TMPRSS11F: variants seen among roughly 807,000 people sequenced by gnomAD.
TMPRSS11F encodes transmembrane protease serine 11F.
TMPRSS11F carries 47 observed loss-of-function variants against 60.2 expected under a neutral mutation model. That is an observed-to-expected ratio of 0.78 (90% confidence interval 0.62 to 1.00). The LOEUF is 1.00. Among genes scored for constraint, TMPRSS11F ranks in the 50% least tolerant of loss-of-function variants. TMPRSS11F has a pLI of 0.00. For missense variants in TMPRSS11F, 519 were observed against 522.9 expected, an observed-to-expected ratio of 0.99 and a Z score of 0.07; for synonymous variants, 166 against 167.3, an observed-to-expected ratio of 0.99 and a Z score of 0.06.
At chr4:68,056,575 T>G (rs1412982585) in intron 9 of TMPRSS11F, among the ~76,000 whole-genome samples, 3 of 152,100 alleles carry the variant, frequency 2.0e-5, no homozygotes, top group Admixed American at 6.6e-5. Flanking sequence ...GTTTATGGAT[T>G]GAAAGAATTA....
rs1723905773 is a variant in TMPRSS11F at position 68,090,581 on chromosome 4, T to C, written c.224A>G (p.Asn75Ser). The C allele has an allele frequency of 6.2e-7, 1 of 1,602,134 alleles. No homozygotes were observed. The highest frequency in any genetic ancestry group is 1.3e-5 in the African/African-American group (1 of 74,362). The change falls in exon 3 of 10, where the codon AAT becomes AGT. Residue 75 changes from asparagine to serine, a missense_variant. By Grantham distance (46) the Asn-to-Ser change is conservative (BLOSUM62 1). Coordinates refer to ENST00000356291, the MANE Select transcript of TMPRSS11F (RefSeq NM_207407.2). Reference sequence around the variant, plus strand: ...CTCTCTTGAAGATCTTATGCCATAATTTTCTTTATATTTGATATTTGTGAC... The same window carrying C: ...CTCTCTTGAAGATCTTATGCCATAACTTTCTTTATATTTGATATTTGTGAC... ...FKVTNIKYKE[N>S]YGIRSSREFI... is the part of the protein sequence containing the mutation.
chr4:68,056,492 C>T (rs946925521), intron 9 of TMPRSS11F, among the ~76,000 whole-genome samples: 5 of 148,770 alleles, frequency 3.4e-5, no homozygotes, highest in African/African-American at 1.2e-4. Context: ...GAGGTGAACG[C>T]TTTGTATACT....
intron 8 of TMPRSS11F, chr4:68,062,683 T>G (rs1380121196): frequency 1.3e-6 from 1 of 756,212 alleles, no homozygotes; most frequent in Non-Finnish European, 2.5e-6. Context: ...TCATGCTGCT[T>G]TTGTTATACA....
intron 6 of TMPRSS11F, 58 bp downstream of exon 6, chr4:68,069,911 C>G: frequency 7.0e-7 from 1 of 1,432,740 alleles, no homozygotes; most frequent in Non-Finnish European, 9.4e-7. Flanking sequence ...TTTTCTATAA[C>G]TTTTTTCATG....
intron 8 of TMPRSS11F, chr4:68,061,997 T>C (rs1372510427): frequency 2.2e-6 from 1 of 453,108 alleles, no homozygotes; most frequent in Non-Finnish European, 4.4e-6. Context: ...ACAATGAAAC[T>C]AAGTGCACAA....
intron 9 of TMPRSS11F, among the ~76,000 whole-genome samples, chr4:68,056,490 C>T (rs1027257942): frequency 4.8e-5 from 7 of 144,914 alleles, no homozygotes; most frequent in South Asian, 2.2e-4. Flanking sequence ...AAGAGGTGAA[C>T]GCTTTGTATA....
At chr4:68,085,927 G>C (rs773331223) in intron 3 of TMPRSS11F, among the ~76,000 whole-genome samples, 8 of 152,060 alleles carry the variant, frequency 5.3e-5, no homozygotes, top group Non-Finnish European at 1.0e-4. Flanking sequence ...CACAATTATG[G>C]TGGGAAACAT....
chr4:68,109,794 G>A (rs1164546522), intron 1 of TMPRSS11F, among the ~76,000 whole-genome samples: 1 of 152,020 alleles, frequency 6.6e-6, no homozygotes, highest in African/African-American at 2.4e-5. Flanking sequence ...TTCTGTGTTT[G>A]TTTTTAACAT....
chr4:68,097,855 G>A (rs1481071683), intron 2 of TMPRSS11F, among the ~76,000 whole-genome samples: 1 of 151,990 alleles, frequency 6.6e-6, no homozygotes, highest in Non-Finnish European at 1.5e-5. Flanking sequence ...AGAGTCTAAG[G>A]AATGGCTATT....
chr4:68,080,308 T>G (rs549493919), intron 3 of TMPRSS11F: 1 of 152,380 alleles, frequency 6.6e-6, no homozygotes, highest in East Asian at 1.9e-4. Flanking sequence ...AAACTTTTCC[T>G]TCTTTCTTAT....
intron 2 of TMPRSS11F, among the ~76,000 whole-genome samples, chr4:68,091,553 C>T (rs1031838216): frequency 2.6e-5 from 4 of 152,052 alleles, no homozygotes; most frequent in African/African-American, 4.8e-5. Flanking sequence ...ATAGGCACCT[C>T]TAATATATTT....
intron 9 of TMPRSS11F, among the ~76,000 whole-genome samples, chr4:68,055,303 C>CT (rs34831096): frequency 6.6e-6 from 1 of 151,834 alleles, no homozygotes; most frequent in Admixed American, 6.6e-5. Flanking sequence ...CATGATTAGC[C>CT]TTTTTTTGGA....
chr4:68,054,667 C>T (rs4407557), intron 9 of TMPRSS11F, among the ~76,000 whole-genome samples: 106,663 of 151,828 alleles, frequency 0.7, 38,638 homozygotes, highest in East Asian at 0.88. Flanking sequence ...TAATTACTGG[C>T]TGTATGACCC....
chr4:68,072,381 T>A lies in TMPRSS11F; in HGVS notation c.456A>T (p.Gln152His), dbSNP rs368719241. Residue 152 changes from glutamine to histidine, a missense_variant, in exon 5 of 10, where the codon CAA (glutamine) becomes CAT (histidine). Physicochemically the swap from Gln to His is conservative, Grantham distance 24. Transcript: ENST00000356291. ...IKKKIEKALYQSLKTKQLSLT... is the reference protein window; with the variant it reads ...IKKKIEKALYHSLKTKQLSLT... ...AAGACAATTGTTTGGTCTTCAAACT[T>A]TGATATAAAGCCTTTTCAATTTTTT... 1.9e-6 allele frequency: 3 copies of A among 1,604,932 alleles called. 1 individual carries two copies. Among genetic ancestry groups the A allele is most frequent in the Non-Finnish European group, 2.6e-6 (3 of 1,175,072 alleles).
chr4:68,105,941 TA>T (rs11349796), intron 1 of TMPRSS11F, among the ~76,000 whole-genome samples: 5,677 of 152,026 alleles, frequency 0.037, 308 homozygotes, highest in African/African-American at 0.12. Context: ...AGTCTGAAGG[TA>T]AAAAAACACA....
At chr4:68,100,917 A>G (rs1641751610) in intron 1 of TMPRSS11F, among the ~76,000 whole-genome samples, 1 of 152,182 alleles carries the variant, frequency 6.6e-6, no homozygotes. Context: ...TCCAAAATCT[A>G]TGGCAATAAG....
chr4:68,096,530 T>C (rs1260632854), intron 2 of TMPRSS11F, among the ~76,000 whole-genome samples: 1 of 152,224 alleles, frequency 6.6e-6, no homozygotes, highest in Non-Finnish European at 1.5e-5. Flanking sequence ...CTCCATGGCA[T>C]ATGTTCTTTT....
At chr4:68,126,399 C>A (rs1724715144) in intron 1 of TMPRSS11F, among the ~76,000 whole-genome samples, 1 of 152,146 alleles carries the variant, frequency 6.6e-6, no homozygotes. Context: ...AACAATAAAT[C>A]TCCATCAGCA....
At chr4:68,055,401 T>C (rs1196112373) in intron 9 of TMPRSS11F, among the ~76,000 whole-genome samples, 2 of 152,084 alleles carry the variant, frequency 1.3e-5, no homozygotes. Flanking sequence ...TGTAGTTGTC[T>C]GGTCAAGGGA....
Sources: gnomAD v4.1 joint callset for allele counts (sites outside exome capture counted in the v4.1 genomes callset) on GRCh38, gnomAD v4.1.1 for gene constraint, MANE v1.5 for transcripts, NCBI Gene and HGNC (gene_info 2026-07-23, HGNC 2026-07-21) for gene names.